Variants in TMPRSS11F observed in about 807,000 individuals in gnomAD.
The protein encoded by TMPRSS11F is transmembrane protease serine 11F.
Under a neutral mutation model 60.2 loss-of-function variants are expected in TMPRSS11F, and 47 were observed. That is an observed-to-expected ratio of 0.78 (90% CI 0.62 to 1.00). TMPRSS11F has a LOEUF of 1.00. TMPRSS11F is among the 50% of genes least tolerant of loss of function. The probability of loss-of-function intolerance (pLI) is 0.00; values close to 1 mark genes in which losing one functional copy is unlikely to be tolerated. For synonymous variants in TMPRSS11F, 166 were observed against 167.3 expected (o/e 0.99, Z 0.06); for missense variants, 519 against 522.9 (o/e 0.99, Z 0.07).
rs77801224 is a variant in TMPRSS11F at position 68,125,982 on chromosome 4, G to T, written c.11+3828C>A. Among the ~76,000 whole-genome samples, 994 of 152,190 alleles carry T rather than the reference G, an allele frequency of 6.5e-3. 7 individuals are homozygous for T. Among genetic ancestry groups the T allele is most frequent in the Non-Finnish European group, 0.011 (778 of 67,976 alleles). On this transcript the variant is annotated intron_variant, in intron 1 of 9. Coordinates refer to ENST00000356291, the MANE Select transcript of TMPRSS11F (RefSeq NM_207407.2). ...AAACTGGAGATCTACTTTTTAAAAAGCTAGCCATTAAAGAAATAAAGTGAA... is the reference window on the plus strand; with the variant it reads ...AAACTGGAGATCTACTTTTTAAAAATCTAGCCATTAAAGAAATAAAGTGAA...
intron 1 of TMPRSS11F, among the ~76,000 whole-genome samples, chr4:68,117,467 C>CAAAAA (rs55708045): frequency 1.9e-5 from 1 of 51,394 alleles, no homozygotes; most frequent in African/African-American, 1.1e-4. Flanking sequence ...GACTCTGTCT[C>CAAAAA]AAAAAAAAAA....
chr4:68,072,226 A>ATATATATATATATATATATATATATATAT lies in TMPRSS11F; in HGVS notation c.514+96_514+97insATATATATATATATATATATATATATATA, dbSNP rs61224244. ...ATATATATATATATATCTTCCAAAA[A>ATATATATATATATATATATATATATATAT]AAAAATATATATATATATATATATT... is the stretch of plus-strand genomic sequence containing the variant. On this transcript the variant is annotated intron_variant, in intron 5 of 9. Coordinates refer to ENST00000356291, the MANE Select transcript of TMPRSS11F (RefSeq NM_207407.2). 9.3e-3 allele frequency: 737 copies of ATATATATATATATATATATATATATATAT among 79,100 alleles called. 220 individuals carry two copies. The highest frequency in any genetic ancestry group is 0.036 in the East Asian group (60 of 1,644). 4.9% of individuals were successfully genotyped at this position (79,100 alleles called of 1,614,324 possible). A position where few individuals can be genotyped will look rare whatever the true frequency, so the allele number is the denominator to read the frequency against.
Position 68,053,839 on chromosome 4 carries a change from T to C in TMPRSS11F, c.*70A>G. The C allele has an allele frequency of 6.9e-7, 1 of 1,459,768 alleles. No homozygotes were observed. Among genetic ancestry groups the C allele is most frequent in the East Asian group, 2.3e-5 (1 of 43,402 alleles). 90.4% of individuals were successfully genotyped at this position (1,459,768 alleles called of 1,614,324 possible). A position where few individuals can be genotyped will look rare whatever the true frequency, so the allele number is the denominator to read the frequency against. ...AAAGCACTAATCCAAAGTAAATGAA[T>C]TTAAACAATACAAAATACGCAGGAG... is the stretch of plus-strand genomic sequence containing the variant. On this transcript the variant is annotated 3_prime_UTR_variant, in exon 10 of 10. Coordinates refer to ENST00000356291, the MANE Select transcript of TMPRSS11F (RefSeq NM_207407.2).
At chr4:68,061,017 G>A (rs1363897217) in intron 8 of TMPRSS11F, among the ~76,000 whole-genome samples, 3 of 151,386 alleles carry the variant, frequency 2.0e-5, no homozygotes, top group Non-Finnish European at 2.9e-5. Context: ...AACTAGAAAT[G>A]AGAAGGAGAA....
intron 1 of TMPRSS11F, among the ~76,000 whole-genome samples, chr4:68,115,356 C>CAAAAAAAA (rs57550471): frequency 5.4e-5 from 4 of 74,688 alleles, no homozygotes; most frequent in African/African-American, 2.1e-4. Context: ...GACACCATCT[C>CAAAAAAAA]AAAAAAAAAA....
intron 2 of TMPRSS11F, among the ~76,000 whole-genome samples, chr4:68,097,972 A>T (rs1724105553): frequency 6.6e-6 from 1 of 152,122 alleles, no homozygotes; most frequent in Non-Finnish European, 1.5e-5. Flanking sequence ...GACTGATATG[A>T]GTGCCTAAAA....
At chr4:68,070,157 T>A (rs1345607637) in intron 5 of TMPRSS11F, 150 bp from the exon 6 acceptor site, 29 of 514,176 alleles carry the variant, frequency 5.6e-5, no homozygotes, top group Non-Finnish European at 9.2e-5. Context: ...AAGTCATATA[T>A]AAATAACCCT....
chr4:68,087,765 ATG>A (rs1307945411), intron 3 of TMPRSS11F, among the ~76,000 whole-genome samples: 1 of 151,562 alleles, frequency 6.6e-6, no homozygotes, highest in African/African-American at 2.4e-5. Context: ...CATATGCACA[ATG>A]TGCAGGTTAG....
intron 3 of TMPRSS11F, among the ~76,000 whole-genome samples, chr4:68,083,083 C>T (rs1723739071): frequency 6.6e-6 from 1 of 152,222 alleles, no homozygotes; most frequent in Non-Finnish European, 1.5e-5. Context: ...ACATAAGCTG[C>T]ATACCCATGA....
At chr4:68,071,479 G>A (rs1209394820) in intron 5 of TMPRSS11F, among the ~76,000 whole-genome samples, 1 of 152,116 alleles carries the variant, frequency 6.6e-6, no homozygotes, top group Non-Finnish European at 1.5e-5. Flanking sequence ...TACATAACAA[G>A]AAGCAATGAA....
intron 1 of TMPRSS11F, among the ~76,000 whole-genome samples, chr4:68,099,739 T>C (rs913520360): frequency 1.3e-5 from 2 of 152,188 alleles, no homozygotes; most frequent in African/African-American, 4.8e-5. Context: ...TGTGAACTTG[T>C]TTCATTAAAT....
At chr4:68,089,830 C>A (rs1255878038) in intron 3 of TMPRSS11F, among the ~76,000 whole-genome samples, 1 of 152,042 alleles carries the variant, frequency 6.6e-6, no homozygotes, top group Non-Finnish European at 1.5e-5. Flanking sequence ...ACATAGTGCT[C>A]TATTTGGCCA....
intron 1 of TMPRSS11F, among the ~76,000 whole-genome samples, chr4:68,112,700 C>T (rs1241718418): frequency 3.3e-5 from 5 of 152,060 alleles, no homozygotes; most frequent in Non-Finnish European, 7.4e-5. Context: ...ACCTATTTTG[C>T]TCATTGCCGT....
chr4:68,084,727 T>TA (rs1401980902), intron 3 of TMPRSS11F, among the ~76,000 whole-genome samples: 2 of 141,770 alleles, frequency 1.4e-5, no homozygotes, highest in African/African-American at 6.1e-5. Context: ...TTTATTTATT[T>TA]TTTTATGTTC....
In TMPRSS11F at chr4:68,098,914, C is replaced by T. The variant is rs762447078; in HGVS notation, c.136G>A (p.Gly46Ser). 2 of 1,611,730 alleles carry T rather than the reference C, an allele frequency of 1.2e-6. No homozygotes were observed. The highest frequency in any genetic ancestry group is 1.7e-6 in the Non-Finnish European group (2 of 1,178,900). ...TCAACAACAAAATGAGTAACAATAC[C>T]AATTGCAATTCCTATGATTGCTACA... ...AIVAIIGIAI[G>S]IVTHFVVEDD... The change falls in exon 2 of 10, where the codon GGT becomes AGT. Residue 46 changes from glycine (G) to serine (S), a missense_variant. Gly to Ser is a moderately conservative substitution (Grantham distance 56, BLOSUM62 0). Coordinates refer to ENST00000356291, the MANE Select transcript of TMPRSS11F (RefSeq NM_207407.2).
chr4:68,092,117 T>C (rs2109866025), intron 2 of TMPRSS11F, among the ~76,000 whole-genome samples: 1 of 152,246 alleles, frequency 6.6e-6, no homozygotes, highest in South Asian at 2.1e-4. Flanking sequence ...ATTTTAAACA[T>C]TCATTTTAAA....
chr4:68,069,845 C>A (rs112094287), intron 6 of TMPRSS11F, 124 bp downstream of exon 6: 14 of 643,624 alleles, frequency 2.2e-5, no homozygotes, highest in African/African-American at 9.6e-5. Context: ...ACTAAGTGTT[C>A]GGTTTACAAA....
chr4:68,128,171 C>T (rs1447354408), intron 1 of TMPRSS11F, among the ~76,000 whole-genome samples: 2 of 152,062 alleles, frequency 1.3e-5, no homozygotes, highest in Non-Finnish European at 2.9e-5. Flanking sequence ...GGGCAAAATA[C>T]CTTTACTAAT....
rs570487595 is a variant in TMPRSS11F at position 68,102,721 on chromosome 4, T to C, written c.12-3683A>G. 5.0e-4 allele frequency among the ~76,000 whole-genome samples: 76 copies of C among 152,288 alleles called. 2 individuals carry two copies. The South Asian group carries it at 0.013, about 26-fold the overall frequency. ...GTTTATAAATTGCAGATATTAACCC[T>C]TTCTCAGACATACGGTTGCAAATAT... On this transcript the variant is annotated intron_variant, in intron 1 of 9. Transcript: ENST00000356291.
Sources: gnomAD v4.1 joint callset for allele counts (sites outside exome capture counted in the v4.1 genomes callset) on GRCh38, gnomAD v4.1.1 for gene constraint, MANE v1.5 for transcripts, NCBI Gene and HGNC (gene_info 2026-07-23, HGNC 2026-07-21) for gene names.